The following PHEX variants were observed in gnomAD, a reference collection of about 807,000 sequenced individuals.
PHEX encodes phosphate-regulating neutral endopeptidase PHEX.
Under a neutral mutation model 68.0 loss-of-function variants are expected in PHEX, and 16 were observed. The observed-to-expected ratio is 0.24, with a 90% CI of 0.16 to 0.36. The LOEUF is 0.36. Among genes scored for constraint, PHEX ranks in the 10% least tolerant of loss-of-function variants. PHEX has a pLI of 1.00. For synonymous variants in PHEX, 208 were observed against 205.1 expected (o/e 1.01, Z -0.12); for missense variants, 480 against 575.5 (o/e 0.83, Z 1.70).
Position 22,147,405 on chromosome X carries a change from C to T in PHEX, c.1404+13781C>T, listed in dbSNP as rs375208310. Among the ~76,000 whole-genome samples the T allele has an allele frequency of 5.4e-5, 6 of 110,848 alleles. No individual in the cohort carries two copies. In the East Asian group the frequency reaches 1.7e-3, roughly 31 times the overall value. ...TCTCTAGGGTTGTGTCTGCTGCTGT[C>T]AGCTGCACCCTTGTTATCTGGCTGC... is the stretch of plus-strand genomic sequence containing the variant. On this transcript the variant is annotated intron_variant, in intron 12 of 21. Transcript: ENST00000379374.
At chrX:22,062,281 G>A (rs763465284) in intron 3 of PHEX, among the ~76,000 whole-genome samples, 1 of 111,337 alleles carries the variant, frequency 9.0e-6, no homozygotes, top group East Asian at 2.8e-4. Flanking sequence ...CACAATTAGA[G>A]ACCTATAAAG....
intron 12 of PHEX, among the ~76,000 whole-genome samples, chrX:22,165,159 T>A (rs1933269815): frequency 8.9e-6 from 1 of 112,139 alleles, no homozygotes; most frequent in Admixed American, 9.5e-5. Flanking sequence ...CCAAGAGCAG[T>A]GTCCAGAGGT....
intron 19 of PHEX, 55 bp downstream of exon 19, chrX:22,226,563 T>TG: frequency 2.3e-6 from 2 of 887,378 alleles, no homozygotes; most frequent in Non-Finnish European, 3.3e-6. Flanking sequence ...AAACACCATA[T>TG]GGGGGTACCT....
Position 22,111,537 on chromosome X carries a change from T to A in PHEX, c.1150T>A (p.Tyr384Asn). 8.3e-7 allele frequency: 1 copy of A among 1,200,758 alleles called. No individual in the cohort carries two copies. Among genetic ancestry groups the A allele is most frequent in the Non-Finnish European group, 1.1e-6 (1 of 885,322 alleles). The change falls in exon 10 of 22, where the codon TAT (tyrosine) becomes AAT (asparagine). Residue 384 changes from tyrosine to asparagine, a missense_variant. Physicochemically the swap from Tyr to Asn is moderately radical, Grantham distance 143. Coordinates refer to ENST00000379374, the MANE Select transcript of PHEX (RefSeq NM_000444.6). ...RIPNLSRRFQYRWLEFSRVIQ... is the reference protein window; with the variant it reads ...RIPNLSRRFQNRWLEFSRVIQ... Reference sequence around the variant, plus strand: ...TCCAAACCTTAGCAGGCGCTTTCAGTATAGATGGCTGGAATTCTCAAGGGT... The same window carrying A: ...TCCAAACCTTAGCAGGCGCTTTCAGAATAGATGGCTGGAATTCTCAAGGGT...
chrX:22,128,974 G>T (rs145886098), intron 11 of PHEX, among the ~76,000 whole-genome samples: 2,414 of 110,517 alleles, frequency 0.022, 35 homozygotes, highest in South Asian at 0.036. Context: ...CACAGTAAGA[G>T]ATTAACACCA....
At chrX:22,187,537 C>A (rs779446010) in intron 14 of PHEX, among the ~76,000 whole-genome samples, 61 of 111,855 alleles carry the variant, frequency 5.5e-4, no homozygotes, top group African/African-American at 1.9e-3. Context: ...CCAGGATAAT[C>A]TCTCTATTTT....
At chrX:22,062,728 G>A (rs188421907) in intron 3 of PHEX, among the ~76,000 whole-genome samples, 1 of 110,720 alleles carries the variant, frequency 9.0e-6, no homozygotes, top group South Asian at 3.8e-4. Context: ...GAATTGATCT[G>A]GGGTGCTGCT....
intron 15 of PHEX, among the ~76,000 whole-genome samples, chrX:22,202,961 C>T (rs1420889112): frequency 9.0e-6 from 1 of 111,481 alleles, no homozygotes; most frequent in Admixed American, 9.6e-5. Flanking sequence ...TTGGGCCCAG[C>T]AATTTATGTT....
At chrX:22,047,391 C>G (rs896750612) in intron 3 of PHEX, among the ~76,000 whole-genome samples, 180 bp downstream of exon 3, 3 of 112,134 alleles carry the variant, frequency 2.7e-5, no homozygotes, top group Non-Finnish European at 5.6e-5. Context: ...ACTCCCAGAT[C>G]TCAACATAAG....
intron 5 of PHEX, among the ~76,000 whole-genome samples, chrX:22,083,654 G>A (rs764598829): frequency 9.0e-6 from 1 of 111,596 alleles, no homozygotes; most frequent in Admixed American, 9.5e-5. Context: ...CAGATTATTT[G>A]CTTTTGGTGT....
rs112722241 is a variant in PHEX at position 22,227,680 on chromosome X, A to AAG, written c.2070+71_2070+72dup. ...TTGAGTTTGCTCCCTTGATCAAAGA[A>AAG]AGATTTCAAACAAAAGTTTAATGGC... On this transcript the variant is annotated intron_variant, in intron 20 of 21. Coordinates refer to ENST00000379374, the MANE Select transcript of PHEX (RefSeq NM_000444.6). The AAG allele has an allele frequency of 1.5e-4, 108 of 713,524 alleles. No individual in the cohort carries two copies. In the African/African-American group the frequency reaches 1.6e-3, roughly 11 times the overall value. The allele number at this position is 713,524 out of a possible 1,213,427, so 58.8% of individuals were successfully genotyped here.
At chrX:22,072,773 G>A (rs910427087) in intron 3 of PHEX, among the ~76,000 whole-genome samples, 5 of 111,548 alleles carry the variant, frequency 4.5e-5, no homozygotes, top group Non-Finnish European at 9.4e-5. Flanking sequence ...GGGCTTTTGG[G>A]GTTCCAGTAA....
intron 13 of PHEX, among the ~76,000 whole-genome samples, chrX:22,173,260 C>T (rs904898788): frequency 5.4e-5 from 6 of 111,834 alleles, no homozygotes; most frequent in Non-Finnish European, 1.1e-4. Context: ...CCTGGTGCCC[C>T]CCAACCTTCC....
intron 9 of PHEX, among the ~76,000 whole-genome samples, chrX:22,101,549 CT>C (rs1930427714): frequency 8.9e-6 from 1 of 111,978 alleles, no homozygotes; most frequent in Non-Finnish European, 1.9e-5. Context: ...TGTAAGAGAG[CT>C]TTCTTCTAAA....
chrX:22,115,396 A>C (rs1451624744), intron 11 of PHEX, among the ~76,000 whole-genome samples: 1 of 112,590 alleles, frequency 8.9e-6, no homozygotes, highest in African/African-American at 3.2e-5. Context: ...CCACAATCAA[A>C]TGAACACATC....
intron 11 of PHEX, among the ~76,000 whole-genome samples, chrX:22,129,350 C>T (rs959278309): frequency 2.7e-5 from 3 of 111,922 alleles, no homozygotes; most frequent in Admixed American, 1.9e-4. Context: ...AAAGCAAAAT[C>T]GTGAATAAGG....
chrX:22,194,327 TC>T (rs1267695763), intron 15 of PHEX, among the ~76,000 whole-genome samples: 2 of 112,084 alleles, frequency 1.8e-5, no homozygotes, highest in Non-Finnish European at 3.8e-5. Flanking sequence ...GACTTTTTTT[TC>T]CCCTCTCTCC....
intron 6 of PHEX, among the ~76,000 whole-genome samples, chrX:22,092,749 C>CTTTTTTTTTTTTTTTTTTTT (rs370527485): frequency 1.7e-4 from 13 of 77,953 alleles, no homozygotes; most frequent in African/African-American, 7.2e-4. Flanking sequence ...TTCTTTCTTT[C>CTTTTTTTTTTTTTTTTTTTT]TTTTTTTTTT....
intron 12 of PHEX, among the ~76,000 whole-genome samples, chrX:22,155,730 G>T (rs1038220723): frequency 9.0e-6 from 1 of 111,695 alleles, no homozygotes; most frequent in African/African-American, 3.2e-5. Flanking sequence ...TATTTAAATA[G>T]TTATTATTTA....
Sources: allele counts gnomAD v4.1 joint callset (sites outside exome capture counted in the v4.1 genomes callset), GRCh38; gene constraint gnomAD v4.1.1; transcripts MANE v1.5; gene names NCBI Gene and HGNC (gene_info 2026-07-23, HGNC 2026-07-21).